HS1BP3: variants seen among roughly 807,000 people sequenced by gnomAD.
The protein encoded by HS1BP3 is HCLS1-binding protein 3.
In HS1BP3, 32 loss-of-function variants were observed where a neutral mutation model predicts 33.5. The observed-to-expected ratio is 0.95, with a 90% CI of 0.72 to 1.28. The LOEUF is 1.28. Ranked by LOEUF, HS1BP3 falls within the 50% of genes most tolerant of loss-of-function variation. The probability of loss-of-function intolerance (pLI) is 0.00; values close to 1 mark genes in which losing one functional copy is unlikely to be tolerated. For synonymous variants in HS1BP3, 187 were observed against 209.2 expected, an observed-to-expected ratio of 0.89 and a Z score of 0.92; for missense variants, 486 against 502.3, an observed-to-expected ratio of 0.97 and a Z score of 0.31.
intron 5 of HS1BP3, among the ~76,000 whole-genome samples, chr2:20,581,236 G>A (rs866429818): frequency 5.3e-5 from 8 of 152,302 alleles, no homozygotes; most frequent in South Asian, 2.1e-4. Context: ...CTGACATTCC[G>A]AAGCCTTCCA....
chr2:20,593,318 G>A (rs558232423), intron 3 of HS1BP3, among the ~76,000 whole-genome samples: 117 of 152,146 alleles, frequency 7.7e-4, no homozygotes, highest in African/African-American at 2.7e-3. Flanking sequence ...ACACGTGCCG[G>A]CCTTCTCCTC....
intron 2 of HS1BP3, among the ~76,000 whole-genome samples, chr2:20,601,806 T>C (rs1164723788): frequency 9.1e-6 from 1 of 109,476 alleles, no homozygotes; most frequent in Non-Finnish European, 1.8e-5. Context: ...TGAGACGGAG[T>C]CTTGCTCTGT....
chr2:20,563,193 G>A (rs1437509713), intron 5 of HS1BP3, among the ~76,000 whole-genome samples: 1 of 152,216 alleles, frequency 6.6e-6, no homozygotes, highest in Non-Finnish European at 1.5e-5. Context: ...CCATGTCCTT[G>A]CATCCTCACC....
downstream of HS1BP3, among the ~76,000 whole-genome samples, chr2:20,613,924 C>T (rs72782380): frequency 0.17 from 25,744 of 152,214 alleles, 2,455 homozygotes; most frequent in Non-Finnish European, 0.21. Flanking sequence ...TCCACAAGGA[C>T]GCTGTGAAGG....
In HS1BP3 at chr2:20,597,835, C is replaced by T. The variant is rs558828066; in HGVS notation, c.*12+373G>A. ...AAGACCTGCTTCCTGTTTCCCAGCC[C>T]GTAAACCCTTGCTGTTGTTTTCAAG... On this transcript the variant is annotated intron_variant, in intron 3 of 3. Coordinates refer to the HS1BP3 transcript ENST00000415264. Among the ~76,000 whole-genome samples, 10 of 152,246 alleles carry T rather than the reference C, an allele frequency of 6.6e-5. No individual in the cohort carries two copies. The South Asian group carries it at 1.9e-3, about 28-fold the overall frequency.
intron 6 of HS1BP3, among the ~76,000 whole-genome samples, chr2:20,621,118 G>A (rs1267074233): frequency 5.3e-5 from 8 of 152,254 alleles, no homozygotes; most frequent in African/African-American, 1.2e-4. Flanking sequence ...CATGAGCAGC[G>A]GCTTCTTGCC....
At position 20,645,332 on chromosome 2, in the gene HS1BP3, C is replaced by G. The variant is rs200499318; in HGVS notation, c.198+8G>C. The G allele has an allele frequency of 6.2e-7, 1 of 1,611,922 alleles. No homozygotes were observed. The highest frequency in any genetic ancestry group is 8.5e-7 in the Non-Finnish European group (1 of 1,179,096). ...CTCGAAACATCCTGGCCAGAGCCTCCGGCTCACCAAGAACTGGACGACATC... is the reference window on the plus strand; with the variant it reads ...CTCGAAACATCCTGGCCAGAGCCTCGGGCTCACCAAGAACTGGACGACATC... On this transcript the variant is annotated splice_region_variant and intron_variant, in intron 2 of 6. Coordinates refer to ENST00000304031, the MANE Select transcript of HS1BP3 (RefSeq NM_022460.4).
chr2:20,596,770 T>C (rs1693951619), intron 3 of HS1BP3, among the ~76,000 whole-genome samples: 1 of 152,240 alleles, frequency 6.6e-6, no homozygotes, highest in Non-Finnish European at 1.5e-5. Context: ...TTCCTCCTGC[T>C]GTGTCTGAAG....
intron 6 of HS1BP3, among the ~76,000 whole-genome samples, chr2:20,620,188 C>T (rs557748502): frequency 3.2e-4 from 49 of 152,374 alleles, no homozygotes; most frequent in Admixed American, 2.7e-3. Context: ...CAGACATTTC[C>T]ACATTCATTA....
At chr2:20,582,994 C>T (rs546533337) in intron 5 of HS1BP3, among the ~76,000 whole-genome samples, 1 of 152,182 alleles carries the variant, frequency 6.6e-6, no homozygotes, top group Non-Finnish European at 1.5e-5. Flanking sequence ...CCTCCTCACA[C>T]CCTGGGCCTA....
intron 2 of HS1BP3, among the ~76,000 whole-genome samples, chr2:20,610,302 C>T (rs930795966): frequency 7.9e-5 from 12 of 152,112 alleles, no homozygotes; most frequent in South Asian, 2.1e-4. Context: ...AATAATGCCA[C>T]GGATCCACCA....
chr2:20,565,075 G>A (rs529210349), intron 5 of HS1BP3, among the ~76,000 whole-genome samples: 1 of 152,298 alleles, frequency 6.6e-6, no homozygotes, highest in Non-Finnish European at 1.5e-5. Flanking sequence ...GCTGGAGCTT[G>A]AGAGCAGGTT....
At chr2:20,601,977 A>G (rs1376726711) in intron 2 of HS1BP3, among the ~76,000 whole-genome samples, 1 of 151,336 alleles carries the variant, frequency 6.6e-6, no homozygotes, top group Admixed American at 6.6e-5. Context: ...CAAGGGGCTC[A>G]TATTTGTGTT....
At chr2:20,621,539 T>C (rs1051664989) in intron 6 of HS1BP3, among the ~76,000 whole-genome samples, 1 of 152,214 alleles carries the variant, frequency 6.6e-6, no homozygotes, top group African/African-American at 2.4e-5. Context: ...TCCCTCCAAG[T>C]GGCAGCCCTT....
intron 5 of HS1BP3, among the ~76,000 whole-genome samples, chr2:20,574,388 A>G (rs1408384048): frequency 6.6e-6 from 1 of 152,226 alleles, no homozygotes; most frequent in Non-Finnish European, 1.5e-5. Context: ...TAGCCCATGA[A>G]AATCTTGTAG....
intron 5 of HS1BP3, among the ~76,000 whole-genome samples, chr2:20,571,066 G>A (rs1010824023): frequency 1.3e-5 from 2 of 152,192 alleles, no homozygotes. Flanking sequence ...CGGCTTCTGG[G>A]ACAGGGTCCC....
intron 5 of HS1BP3, among the ~76,000 whole-genome samples, chr2:20,577,694 C>T (rs1377198856): frequency 1.3e-5 from 2 of 152,138 alleles, no homozygotes; most frequent in African/African-American, 4.8e-5. Flanking sequence ...AAGCAGAGGC[C>T]AGACCAACTC....
chr2:20,594,382 T>C (rs889755264), intron 3 of HS1BP3, among the ~76,000 whole-genome samples: 27 of 152,228 alleles, frequency 1.8e-4, no homozygotes, highest in African/African-American at 6.3e-4. Context: ...GCTGATGGCA[T>C]CACAAATCCT....
At position 20,618,695 on chromosome 2, in the gene HS1BP3, T is replaced by TATACACATCTGACGCTGCCGA; in HGVS notation, c.*291_*292insTCGGCAGCGTCAGATGTGTAT. The TATACACATCTGACGCTGCCGA allele has an allele frequency of 8.3e-7, 1 of 1,210,898 alleles. No individual in the cohort carries two copies. The highest frequency in any genetic ancestry group is 4.1e-5 in the Admixed American group (1 of 24,648). 75.0% of individuals were successfully genotyped at this position (1,210,898 alleles called of 1,614,324 possible). ...CTTGCTTCATCCTTGGGGCTGGGCT[T>TATACACATCTGACGCTGCCGA]CTGGTTGGCAAGGCATCCCCACACC... On this transcript the variant is annotated 3_prime_UTR_variant, in exon 7 of 7. Coordinates refer to ENST00000304031, the MANE Select transcript of HS1BP3 (RefSeq NM_022460.4).
Sources: gnomAD v4.1 joint callset for allele counts (sites outside exome capture counted in the v4.1 genomes callset) on GRCh38, gnomAD v4.1.1 for gene constraint, MANE v1.5 for transcripts, NCBI Gene and HGNC (gene_info 2026-07-23, HGNC 2026-07-21) for gene names.